Variants in ARMC9 observed in about 807,000 individuals in gnomAD.
ARMC9 encodes lisH domain-containing protein ARMC9.
A neutral mutation model predicts 107.0 loss-of-function variants in ARMC9; 94 were observed. The observed-to-expected ratio is 0.88, with a 90% CI of 0.74 to 1.04. The LOEUF is 1.04. Ranked by LOEUF, ARMC9 falls within the 50% of genes least tolerant of loss-of-function variation. The pLI is 0.00. For synonymous variants in ARMC9, 380 were observed against 396.9 expected, an observed-to-expected ratio of 0.96 and a Z score of 0.51; for missense variants, 942 against 1,030.1, an observed-to-expected ratio of 0.91 and a Z score of 1.17.
intron 17 of ARMC9, 105 bp downstream of exon 17, chr2:231,282,238 C>T (rs2040271925): frequency 2.7e-6 from 3 of 1,118,298 alleles, no homozygotes; most frequent in African/African-American, 3.1e-5. Flanking sequence ...GGCTCAGATC[C>T]GTTCCAAACT....
chr2:231,291,372 G>A lies in ARMC9; in HGVS notation c.1646G>A (p.Arg549His), dbSNP rs761162897. Residue 549 changes from arginine (R) to histidine (H), a missense_variant, in exon 18 of 25, where the codon CGC (arginine) becomes CAC (histidine). Arg to His is a conservative substitution (Grantham distance 29, BLOSUM62 0). Coordinates refer to ENST00000611582, the MANE Select transcript of ARMC9 (RefSeq NM_001352754.2). ...TTCTAGGGAATGGAAGACATCCTAC[G>A]CTGCTTCATCAAAGAAGGCAATGCT... The part of the protein sequence containing the change: ...ARAMGMEDIL[R>H]CFIKEGNAEM... The A allele has an allele frequency of 7.4e-6, 12 of 1,613,348 alleles. No homozygotes were observed. The highest frequency in any genetic ancestry group is 3.3e-5 in the Admixed American group (2 of 59,972).
Position 231,373,904 on chromosome 2 carries a change from A to C in ARMC9, c.*2369A>C, listed in dbSNP as rs2046116699. On this transcript the variant is annotated 3_prime_UTR_variant, in exon 25 of 25. Transcript: ENST00000611582. This position sits in a 1 kb window ranked among gnomAD's most constrained non-coding sequence, Gnocchi z 4.4. ...GCGACAGAGACTCCGTCAAAAAAAA[A>C]AAAAAAATACATTGAGATTACCAGG... The C allele has an allele frequency of 6.6e-6, 1 of 152,154 alleles. No homozygotes were observed. Among genetic ancestry groups the C allele is most frequent in the Non-Finnish European group, 1.5e-5 (1 of 68,084 alleles). 9.4% of individuals were successfully genotyped at this position (152,154 alleles called of 1,614,324 possible).
chr2:231,209,676 C>G (rs974326055), intron 3 of ARMC9, among the ~76,000 whole-genome samples: 3 of 152,112 alleles, frequency 2.0e-5, no homozygotes, highest in African/African-American at 7.2e-5. Context: ...GCTGGGATTA[C>G]AGGCACACAC....
chr2:231,337,270 G>GTGTATATATCTATATATATA (rs1417267339), intron 20 of ARMC9, among the ~76,000 whole-genome samples: 1 of 76,412 alleles, frequency 1.3e-5, no homozygotes, highest in African/African-American at 5.8e-5. Context: ...ACGTGTGTGT[G>GTGTATATATCTATATATATA]TATATATATA....
At chr2:231,313,305 G>C (rs943979145) in intron 19 of ARMC9, among the ~76,000 whole-genome samples, 14 of 152,146 alleles carry the variant, frequency 9.2e-5, no homozygotes, top group Non-Finnish European at 1.9e-4. Flanking sequence ...CATGCTTGCT[G>C]TTTGCATGAC....
At position 231,374,697 on chromosome 2, in the gene ARMC9, C is replaced by T. The variant is rs556135076; in HGVS notation, c.*3162C>T. The T allele has an allele frequency of 6.6e-6, 1 of 152,160 alleles. No homozygotes were observed. Among genetic ancestry groups the T allele is most frequent in the African/African-American group, 2.4e-5 (1 of 41,520 alleles). The allele number at this position is 152,160 out of a possible 1,614,324, so 9.4% of individuals were successfully genotyped here. On this transcript the variant is annotated 3_prime_UTR_variant, in exon 25 of 25. Transcript: ENST00000611582. ...AGTCTGGCCCTGTACTTGGATGACC[C>T]CACCTGGCTTGTCTAACCCTAATCC... is the stretch of plus-strand genomic sequence containing the variant.
At chr2:231,231,162 G>A (rs1483528213) in intron 7 of ARMC9, among the ~76,000 whole-genome samples, 1 of 152,162 alleles carries the variant, frequency 6.6e-6, no homozygotes, top group African/African-American at 2.4e-5. Context: ...GGACTGCTTT[G>A]GGGACATTCA....
In ARMC9 at chr2:231,235,203, T is replaced by C; in HGVS notation, c.623-21T>C. 1.9e-6 allele frequency: 3 copies of C among 1,597,756 alleles called. No homozygotes were observed. The South Asian group carries it at 3.4e-5, about 18-fold the overall frequency. On this transcript the variant is annotated intron_variant, in intron 7 of 24. Transcript: ENST00000611582. ...TATTGTGGATTTTTATTGATGTTGT[T>C]TGTTTTAACTGTCTTCCTAGAAATC...
At position 231,297,541 on chromosome 2, in the gene ARMC9, A is replaced by G. The variant is rs1447278424; in HGVS notation, c.1773+1288A>G. Among the ~76,000 whole-genome samples the G allele has an allele frequency of 6.6e-6, 1 of 152,256 alleles. No individual in the cohort carries two copies. The highest frequency in any genetic ancestry group is 1.5e-5 in the Non-Finnish European group (1 of 68,052). ...GCTGTCAGCAGTACATAAGTGGCTG[A>G]ACGTGGCTGTGTTCCTGTAAAACTA... On this transcript the variant is annotated intron_variant, in intron 19 of 24. Coordinates refer to ENST00000611582, the MANE Select transcript of ARMC9 (RefSeq NM_001352754.2). This position sits in a 1 kb window ranked among gnomAD's most constrained non-coding sequence, Gnocchi z 4.2.
At chr2:231,303,631 G>A (rs1009833115) in intron 19 of ARMC9, among the ~76,000 whole-genome samples, 1 of 152,068 alleles carries the variant, frequency 6.6e-6, no homozygotes, top group African/African-American at 2.4e-5. Flanking sequence ...TACTGATATG[G>A]TGTATTTATT....
rs140011215 is a variant in ARMC9 at position 231,302,629 on chromosome 2, C to T, written c.1773+6376C>T. Among the ~76,000 whole-genome samples, 1,216 of 151,900 alleles carry T rather than the reference C, an allele frequency of 8.0e-3. 25 individuals carry two copies. Among genetic ancestry groups the T allele is most frequent in the African/African-American group, 0.027 (1,123 of 41,444 alleles). Reference sequence around the variant, plus strand: ...AAGCCTTTTCAGATAGATATTTTTGCTCAATATTACTTTAAAACCAGACAG... The same window carrying T: ...AAGCCTTTTCAGATAGATATTTTTGTTCAATATTACTTTAAAACCAGACAG... On this transcript the variant is annotated intron_variant, in intron 19 of 24. Transcript: ENST00000611582.
chr2:231,309,192 C>G (rs2042199943), intron 19 of ARMC9, among the ~76,000 whole-genome samples: 1 of 152,206 alleles, frequency 6.6e-6, no homozygotes, highest in African/African-American at 2.4e-5. Context: ...GGCTCCTGCC[C>G]TCATTTCCAC....
intron 19 of ARMC9, among the ~76,000 whole-genome samples, chr2:231,309,087 G>A (rs1175932872): frequency 6.6e-6 from 1 of 152,194 alleles, no homozygotes; most frequent in African/African-American, 2.4e-5. Flanking sequence ...CTTCTTTCTG[G>A]TACCTTTTCA....
chr2:231,306,386 A>G (rs2042035266), intron 19 of ARMC9, among the ~76,000 whole-genome samples: 1 of 152,226 alleles, frequency 6.6e-6, no homozygotes, highest in African/African-American at 2.4e-5. Context: ...TTTAATATCC[A>G]GAATCATTTG....
chr2:231,245,382 GTTCCTGGATGACAGTCTGCTGTCGGGGT>G (rs2036663513), intron 9 of ARMC9, among the ~76,000 whole-genome samples: 1 of 152,242 alleles, frequency 6.6e-6, no homozygotes, highest in African/African-American at 2.4e-5. Context: ...GTGCTAGGCT[GTTCCTGGATGACAGTCTGCTGTCGGGGT>G]TTCACCCATG....
chr2:231,262,425 A>G (rs775855939), intron 12 of ARMC9, 27 bp downstream of exon 12: 1 of 1,579,450 alleles, frequency 6.3e-7, no homozygotes, highest in Non-Finnish European at 8.7e-7. Flanking sequence ...GCCAGATCCC[A>G]GCCAGGGCCT....
chr2:231,327,967 T>C (rs1252105716), intron 19 of ARMC9, among the ~76,000 whole-genome samples: 1 of 152,118 alleles, frequency 6.6e-6, no homozygotes, highest in Non-Finnish European at 1.5e-5. Flanking sequence ...GTTTTTTTCG[T>C]AGAGACGGTG....
At chr2:231,314,003 T>A (rs1241248458) in intron 19 of ARMC9, among the ~76,000 whole-genome samples, 1 of 150,476 alleles carries the variant, frequency 6.6e-6, no homozygotes, top group East Asian at 1.9e-4. Context: ...CAAGTGATCT[T>A]CCCACCTTGA....
chr2:231,271,146 T>C, intron 13 of ARMC9, 74 bp downstream of exon 13: 1 of 1,425,362 alleles, frequency 7.0e-7, no homozygotes, highest in Non-Finnish European at 9.7e-7. Flanking sequence ...AAATGAGCGT[T>C]CCTCCCAAGT....
Sources: gnomAD v4.1 joint callset for allele counts (sites outside exome capture counted in the v4.1 genomes callset) on GRCh38, gnomAD v4.1.1 for gene constraint, Gnocchi (gnomAD v3.1) non-coding constraint, MANE v1.5 for transcripts, NCBI Gene and HGNC (gene_info 2026-07-23, HGNC 2026-07-21) for gene names.